CCDC148: variants seen among roughly 807,000 people sequenced by gnomAD.
CCDC148 encodes coiled-coil domain-containing protein 148.
A neutral mutation model predicts 85.7 loss-of-function variants in CCDC148; 89 were observed. That is an observed-to-expected ratio of 1.04 (90% CI 0.87 to 1.24). The LOEUF (loss-of-function observed/expected upper bound fraction) is 1.24, where lower values mean the gene tolerates loss of function less well. Ranked by LOEUF, CCDC148 falls within the 50% of genes most tolerant of loss-of-function variation. The pLI is 0.00. For synonymous variants in CCDC148, 230 were observed against 213.9 expected, an observed-to-expected ratio of 1.08 and a Z score of -0.66; for missense variants, 692 against 671.7, an observed-to-expected ratio of 1.03 and a Z score of -0.33.
intron 1 of CCDC148, among the ~76,000 whole-genome samples, chr2:158,429,088 A>G (rs2105330489): frequency 6.7e-6 from 1 of 150,290 alleles, no homozygotes; most frequent in Non-Finnish European, 1.5e-5. Flanking sequence ...TTGAACAACG[A>G]GAACACTTGG....
rs190293777 is a variant in CCDC148, at chr2:158,399,811, A to G, written c.26-41241T>C. Among the ~76,000 whole-genome samples, 42 of 152,262 alleles carry G rather than the reference A, an allele frequency of 2.8e-4. 1 individual carries two copies. The East Asian group carries it at 7.9e-3, about 29-fold the overall frequency. On this transcript the variant is annotated intron_variant, in intron 1 of 13. Transcript: ENST00000283233. ...AAGAGAATGAAATAAAGGGTATTCG[A>G]TTAGGAAAAGAGGAAGTCAAATTGT...
In CCDC148 at chr2:158,172,041, A is replaced by G. The variant is rs935765109; in HGVS notation, c.*72T>C. The G allele has an allele frequency of 1.8e-6, 2 of 1,087,432 alleles. No homozygotes were observed. Among genetic ancestry groups the G allele is most frequent in the Non-Finnish European group, 2.6e-6 (2 of 767,526 alleles). 67.4% of individuals were successfully genotyped at this position (1,087,432 alleles called of 1,614,324 possible). ...TGATATTTCAAACATTTTAGAAAGT[A>G]GTAATTATTATTATCCATATACATG... On this transcript the variant is annotated 3_prime_UTR_variant, in exon 14 of 14. Coordinates refer to ENST00000283233, the MANE Select transcript of CCDC148 (RefSeq NM_138803.4).
intron 1 of CCDC148, among the ~76,000 whole-genome samples, chr2:158,381,845 A>T (rs937871551): frequency 7.2e-5 from 11 of 152,280 alleles, no homozygotes; most frequent in Admixed American, 3.3e-4. Context: ...TGATCACACC[A>T]TAGCACTACC....
chr2:158,336,957 C>A (rs1442001195), intron 7 of CCDC148, among the ~76,000 whole-genome samples: 2 of 152,100 alleles, frequency 1.3e-5, no homozygotes, highest in Non-Finnish European at 2.9e-5. Context: ...GCTATTTTAT[C>A]CTCAATATTT....
At chr2:158,281,189 T>C (rs565928649) in intron 9 of CCDC148, among the ~76,000 whole-genome samples, 1,714 of 151,890 alleles carry the variant, frequency 0.011, 22 homozygotes, top group African/African-American at 0.034. Context: ...AGATCCAAAA[T>C]TGACACCCTA....
At position 158,250,793 on chromosome 2, in the gene CCDC148, T is replaced by G; in HGVS notation, c.1230A>C (p.Gln410His). ...TTACTTTTTTTTTCTTCTCTGCTCT[T>G]TGCAACAATTCCTTCTTCTTCCACA... is the stretch of plus-strand genomic sequence containing the variant. ...EKLWKKKELL[Q>H]RAEKKKKIKK... Residue 410 changes from glutamine to histidine, a missense_variant, in exon 10 of 14, where the codon CAA becomes CAC. Gln to His is a conservative substitution (Grantham distance 24). Transcript: ENST00000283233. 2 of 1,587,292 alleles carry G rather than the reference T, an allele frequency of 1.3e-6. No homozygotes were observed. Among genetic ancestry groups the G allele is most frequent in the Non-Finnish European group, 1.7e-6 (2 of 1,168,244 alleles).
intron 9 of CCDC148, among the ~76,000 whole-genome samples, chr2:158,281,477 C>G (rs1467386292): frequency 1.3e-5 from 2 of 152,002 alleles, no homozygotes; most frequent in African/African-American, 4.8e-5. Context: ...TACAAACTAC[C>G]ATCAGAGAGT....
chr2:158,388,001 T>C (rs1685160157), intron 1 of CCDC148, among the ~76,000 whole-genome samples: 2 of 152,144 alleles, frequency 1.3e-5, no homozygotes, highest in Non-Finnish European at 1.5e-5. Context: ...TTCTGCTCCT[T>C]ATAAGGATTT....
intron 1 of CCDC148, among the ~76,000 whole-genome samples, chr2:158,397,404 A>G (rs1685570461): frequency 6.6e-6 from 1 of 152,172 alleles, no homozygotes; most frequent in Non-Finnish European, 1.5e-5. Context: ...CACAAAGGGA[A>G]GCCTATCAGA....
intron 9 of CCDC148, among the ~76,000 whole-genome samples, chr2:158,259,030 A>G (rs1689115992): frequency 6.6e-6 from 1 of 151,788 alleles, no homozygotes; most frequent in African/African-American, 2.4e-5. Flanking sequence ...TGCACCTTAC[A>G]GATAGATCCC....
intron 11 of CCDC148, among the ~76,000 whole-genome samples, chr2:158,217,327 T>TAA (rs1553482707): frequency 0.041 from 5,803 of 140,746 alleles, 159 homozygotes; most frequent in East Asian, 0.072. Context: ...TATATATATA[T>TAA]AATTTTGTGT....
At position 158,345,292 on chromosome 2, in the gene CCDC148, CT is replaced by C. The variant is rs35544518; in HGVS notation, c.173del (p.Lys58SerfsTer8). ...LKIRKAMLTS[K>X]LSKEQTLIKQ... ...TTATTAGTGTTTGTTCTTTGGATAA[CT>C]TTGAAGTCAACATTGCTTTTCTGAT... On this transcript the variant is annotated frameshift_variant, in exon 3 of 14. Coordinates refer to ENST00000283233, the MANE Select transcript of CCDC148 (RefSeq NM_138803.4). LOFTEE classifies it high-confidence loss of function. 1.9e-6 allele frequency: 3 copies of C among 1,613,106 alleles called. No homozygotes were observed. In the South Asian group the frequency reaches 3.3e-5, roughly 18 times the overall value.
Position 158,354,737 on chromosome 2 carries a change from C to A in CCDC148, c.147+3712G>T, listed in dbSNP as rs932780631. On this transcript the variant is annotated intron_variant, in intron 2 of 13. Transcript: ENST00000283233. ...TCCCTAACTCATTTTATGAGGCCAG[C>A]ATCATTCTGATACCAAAGCCGGGCA... Among the ~76,000 whole-genome samples, 34 of 151,206 alleles carry A rather than the reference C, an allele frequency of 2.2e-4. 1 individual carries two copies. The highest frequency in any genetic ancestry group is 8.2e-4 in the African/African-American group (34 of 41,228).
At chr2:158,396,124 C>A (rs1312568995) in intron 1 of CCDC148, among the ~76,000 whole-genome samples, 2 of 152,118 alleles carry the variant, frequency 1.3e-5, no homozygotes, top group Non-Finnish European at 2.9e-5. Flanking sequence ...GGTAACACAT[C>A]AGGCCCAACT....
intron 1 of CCDC148, among the ~76,000 whole-genome samples, chr2:158,423,313 C>T (rs1364602165): frequency 6.6e-6 from 1 of 152,182 alleles, no homozygotes; most frequent in Non-Finnish European, 1.5e-5. Context: ...AGGCATCATG[C>T]TACCTGACTT....
chr2:158,222,459 C>CCTCTCTCTCTTT (rs1558994727), intron 10 of CCDC148, among the ~76,000 whole-genome samples: 4 of 148,730 alleles, frequency 2.7e-5, no homozygotes. Flanking sequence ...GTGCTCTCTC[C>CCTCTCTCTCTTT]CTCTCTCTCT....
intron 1 of CCDC148, among the ~76,000 whole-genome samples, chr2:158,421,130 A>G (rs369369184): frequency 6.6e-6 from 1 of 152,126 alleles, no homozygotes; most frequent in East Asian, 1.9e-4. Context: ...CTCCCACACA[A>G]TAATAATGGG....
chr2:158,443,515 A>AAAAAAAAAAAAAAAAAAAAGAAAAG (rs1553524474), intron 1 of CCDC148, among the ~76,000 whole-genome samples: 1 of 100,896 alleles, frequency 9.9e-6, no homozygotes, highest in East Asian at 3.0e-4. Context: ...AAAAAAAAAA[A>AAAAAAAAAAAAAAAAAAAAGAAAAG]AAAAAAAAGA....
intron 2 of CCDC148, among the ~76,000 whole-genome samples, chr2:158,356,244 A>C (rs1402855833): frequency 5.7e-5 from 8 of 141,174 alleles, no homozygotes; most frequent in Admixed American, 2.8e-4. Context: ...TCTAATTAAA[A>C]TAAAGAGCTT....
Sources: gnomAD v4.1 joint callset for allele counts (sites outside exome capture counted in the v4.1 genomes callset) on GRCh38, gnomAD v4.1.1 for gene constraint, MANE v1.5 for transcripts, NCBI Gene and HGNC (gene_info 2026-07-23, HGNC 2026-07-21) for gene names.